Variants in STAG2 observed in about 807,000 individuals in gnomAD.
STAG2 encodes the protein STAG2 cohesin complex component.
Under a neutral mutation model 108.1 loss-of-function variants are expected in STAG2, and 14 were observed. That is an observed-to-expected ratio of 0.13 (90% CI 0.09 to 0.20). STAG2 has a LOEUF of 0.20. Ranked by LOEUF, STAG2 falls within the 10% of genes least tolerant of loss-of-function variation. The pLI is 1.00. For synonymous variants in STAG2, 307 were observed against 302.7 expected (o/e 1.01, Z -0.15); for missense variants, 440 against 940.9 (o/e 0.47, Z 6.96).
chrX:124,056,108 T>C lies in STAG2; in HGVS notation c.1197-20T>C. ...GAATTAGGACGTTACTAAAAGCACCTGTTACTGCTTATTTCTTAGGAGTAG... is the reference window on the plus strand; with the variant it reads ...GAATTAGGACGTTACTAAAAGCACCCGTTACTGCTTATTTCTTAGGAGTAG... On this transcript the variant is annotated intron_variant, in intron 13 of 34. Coordinates refer to ENST00000371145, the MANE Select transcript of STAG2 (RefSeq NM_001042750.2). 1 of 1,101,468 alleles carries C rather than the reference T, an allele frequency of 9.1e-7. No individual in the cohort carries two copies. 90.8% of individuals were successfully genotyped at this position (1,101,468 alleles called of 1,213,427 possible). A position where few individuals can be genotyped will look rare whatever the true frequency, so the allele number is the denominator to read the frequency against.
intron 1 of STAG2, among the ~76,000 whole-genome samples, chrX:123,966,762 C>T (rs775988656): frequency 8.9e-6 from 1 of 112,081 alleles, no homozygotes; most frequent in South Asian, 3.7e-4. Flanking sequence ...TATGCATCTT[C>T]AGCAGCTGTG....
intron 15 of STAG2, among the ~76,000 whole-genome samples, chrX:124,060,960 A>T (rs1413022636): frequency 9.3e-6 from 1 of 107,717 alleles, no homozygotes; most frequent in East Asian, 2.8e-4. Context: ...TTATAAATAT[A>T]TATATTTTAT....
At chrX:124,072,515 G>T (rs1389052195) in intron 25 of STAG2, among the ~76,000 whole-genome samples, 3 of 110,895 alleles carry the variant, frequency 2.7e-5, no homozygotes, top group African/African-American at 9.9e-5. Context: ...TTTTTCATCT[G>T]TCACTCTAAG....
At chrX:123,999,134 A>G (rs634799) in intron 1 of STAG2, among the ~76,000 whole-genome samples, 20,009 of 110,974 alleles carry the variant, frequency 0.18, 1,423 homozygotes, top group East Asian at 0.39. Flanking sequence ...TCCTGTTTTT[A>G]TCTTTCAGAC....
In STAG2 at chrX:124,071,171, T is replaced by C. The variant is rs149551481; in HGVS notation, c.2381T>C (p.Ile794Thr). ...TAGGCCTTCACTATTCTGTGTGATATTTTGATGATCTTCAGCCATCAGATT... is the reference window on the plus strand; with the variant it reads ...TAGGCCTTCACTATTCTGTGTGATACTTTGATGATCTTCAGCCATCAGATT... ...KEQAFTILCDILMIFSHQIMS... is the reference protein window; with the variant it reads ...KEQAFTILCDTLMIFSHQIMS... The change falls in exon 25 of 35, where the codon ATT (isoleucine) becomes ACT (threonine). Residue 794 changes from isoleucine (I) to threonine (T), a missense_variant. Ile to Thr is a moderately conservative substitution (Grantham distance 89, BLOSUM62 -1). Transcript: ENST00000371145. 2 of 1,188,231 alleles carry C rather than the reference T, an allele frequency of 1.7e-6. No homozygotes were observed. Among genetic ancestry groups the C allele is most frequent in the African/African-American group, 3.6e-5 (2 of 55,364 alleles).
intron 16 of STAG2, 150 bp from the exon 17 acceptor site, chrX:124,061,620 TG>T (rs1255890608): frequency 6.6e-6 from 3 of 453,752 alleles, no homozygotes; most frequent in Non-Finnish European, 1.1e-5. Context: ...TGATGTTTTC[TG>T]TGATAAAGTA....
At chrX:123,983,974 C>CTTTTCTTTTTTTTTTTTTTTTTT (rs1168788249) in intron 1 of STAG2, among the ~76,000 whole-genome samples, 4 of 61,463 alleles carry the variant, frequency 6.5e-5, no homozygotes, top group Admixed American at 3.4e-4. Flanking sequence ...CTTTTCTTTT[C>CTTTTCTTTTTTTTTTTTTTTTTT]TTTTTTTTTT....
chrX:124,047,812 A>C (rs746897854), intron 9 of STAG2, among the ~76,000 whole-genome samples: 67 of 111,901 alleles, frequency 6.0e-4, no homozygotes, highest in Non-Finnish European at 1.0e-3. Flanking sequence ...TCAGGATGAA[A>C]AGAGATTTCA....
At chrX:124,031,802 C>T (rs1255215181) in intron 5 of STAG2, among the ~76,000 whole-genome samples, 1 of 107,943 alleles carries the variant, frequency 9.3e-6, no homozygotes, top group African/African-American at 3.4e-5. Flanking sequence ...ACGATCTCTG[C>T]TCACTGCAAC....
Position 124,061,873 on chromosome X carries a change from G to T in STAG2, c.1637G>T (p.Arg546Met). 1 of 1,154,782 alleles carries T rather than the reference G, an allele frequency of 8.7e-7. No homozygotes were observed. The highest frequency in any genetic ancestry group is 1.2e-6 in the Non-Finnish European group (1 of 858,045). The change falls in exon 17 of 35, where the codon AGG (arginine) becomes ATG (methionine). Residue 546 changes from arginine (R) to methionine (M), a missense_variant and splice_region_variant. Coordinates refer to ENST00000371145, the MANE Select transcript of STAG2 (RefSeq NM_001042750.2). ...CCCGTGGGAAGAGGGACAGGAAAAA[G>T]GGTATGCCAATCAATGTCTTTTCAA... ...HPPVGRGTGK[R>M]VLTAKEKKTQ...
intron 6 of STAG2, among the ~76,000 whole-genome samples, chrX:124,039,684 C>CT (rs2057645845): frequency 2.1e-5 from 2 of 96,285 alleles, no homozygotes; most frequent in Non-Finnish European, 4.1e-5. Context: ...AGAGACAGGT[C>CT]TTTCTCTGTT....
rs750897421 is a variant in STAG2, at chrX:124,022,398, A to G, written c.-97-133A>G. ...AAAAAAAAAAAAAAGAAAGCAGTCAAATGCAAGGGAATGAAATCCTTATTT... is the reference window on the plus strand; with the variant it reads ...AAAAAAAAAAAAAAGAAAGCAGTCAGATGCAAGGGAATGAAATCCTTATTT... On this transcript the variant is annotated intron_variant, in intron 2 of 34. Transcript: ENST00000371145. 699 of 307,903 alleles carry G rather than the reference A, an allele frequency of 2.3e-3. 1 individual carries two copies. Among genetic ancestry groups the G allele is most frequent in the Non-Finnish European group, 2.1e-3 (377 of 175,837 alleles). The allele number at this position is 307,903 out of a possible 1,213,427, so 25.4% of individuals were successfully genotyped here. A position where few individuals can be genotyped will look rare whatever the true frequency, so the allele number is the denominator to read the frequency against.
intron 25 of STAG2, among the ~76,000 whole-genome samples, chrX:124,074,652 T>C (rs766939543): frequency 9.0e-6 from 1 of 111,533 alleles, no homozygotes; most frequent in Admixed American, 9.6e-5. Flanking sequence ...GAGAGTAAAA[T>C]AGGGAATGCT....
chrX:124,045,027 C>T, intron 7 of STAG2, 137 bp from the exon 8 acceptor site: 1 of 518,686 alleles, frequency 1.9e-6, no homozygotes, highest in South Asian at 3.0e-5. Context: ...GTTCTCTTGC[C>T]TACTTTGAGG....
At chrX:124,025,167 A>G (rs2057054910) in intron 3 of STAG2, among the ~76,000 whole-genome samples, 1 of 111,304 alleles carries the variant, frequency 9.0e-6, no homozygotes, top group African/African-American at 3.3e-5. Context: ...TATTATTTAT[A>G]GATGAGAAGA....
chrX:123,986,777 CA>C (rs1222757726), intron 1 of STAG2, among the ~76,000 whole-genome samples: 1 of 110,946 alleles, frequency 9.0e-6, no homozygotes, highest in African/African-American at 3.3e-5. Flanking sequence ...AGCATTTGAC[CA>C]AAGGTTTTAT....
Position 124,061,743 on chromosome X carries a change from CT to C in STAG2, c.1535-3del, listed in dbSNP as rs36097834. 0.15 allele frequency: 63,225 copies of C among 431,704 alleles called. 683 individuals are homozygous for C. The highest frequency in any genetic ancestry group is 0.19 in the African/African-American group (4,477 of 23,869). The allele number at this position is 431,704 out of a possible 1,213,427, so 35.6% of individuals were successfully genotyped here. On this transcript the variant is annotated intron_variant, in intron 16 of 34. Transcript: ENST00000371145. Reference sequence around the variant, plus strand: ...GAAGAAATAAGCTAACTCTTTCTGACTTTTTTTTTTTTTTTTTTTTTTTTTA... The same window carrying C: ...GAAGAAATAAGCTAACTCTTTCTGACTTTTTTTTTTTTTTTTTTTTTTTTA...
chrX:123,976,093 G>A (rs1403342703), intron 1 of STAG2, among the ~76,000 whole-genome samples: 2 of 111,488 alleles, frequency 1.8e-5, no homozygotes, highest in Non-Finnish European at 3.8e-5. Context: ...GGGCAACAGA[G>A]CGAGACCCTG....
intron 25 of STAG2, among the ~76,000 whole-genome samples, chrX:124,073,664 C>T (rs145498215): frequency 1.8e-5 from 2 of 110,960 alleles, no homozygotes; most frequent in Non-Finnish European, 3.8e-5. Context: ...CTCAAGCAGT[C>T]CTCTCATCTT....
Sources: allele counts gnomAD v4.1 joint callset (sites outside exome capture counted in the v4.1 genomes callset), GRCh38; gene constraint gnomAD v4.1.1; transcripts MANE v1.5; gene names NCBI Gene and HGNC (gene_info 2026-07-23, HGNC 2026-07-21).